Variants in EVPLL observed in about 807,000 individuals in gnomAD.
EVPLL encodes the protein envoplakin like.
Under a neutral mutation model 46.2 loss-of-function variants are expected in EVPLL, and 39 were observed. The observed-to-expected ratio is 0.84, with a 90% CI of 0.65 to 1.10. The LOEUF (loss-of-function observed/expected upper bound fraction) is 1.10. EVPLL is among the 50% of genes least tolerant of loss of function. The pLI is 0.00. For missense variants in EVPLL, 385 were observed against 412.6 expected (o/e 0.93, Z 0.58); for synonymous variants, 156 against 165.8 (o/e 0.94, Z 0.46).
chr17:18,377,882 G>A lies in EVPLL; in HGVS notation c.-138G>A, dbSNP rs1033487901. 2 of 1,066,136 alleles carry A rather than the reference G, an allele frequency of 1.9e-6. No homozygotes were observed. Among genetic ancestry groups the A allele is most frequent in the African/African-American group, 3.3e-5 (2 of 59,890 alleles). The allele number at this position is 1,066,136 out of a possible 1,614,324, so 66.0% of individuals were successfully genotyped here. A position where few individuals can be genotyped will look rare whatever the true frequency, so the allele number is the denominator to read the frequency against. ...AGCCTGAGCCAGCACCTGCCTTTATGACCATGTTCAAGGGACTGAGCAAAG... is the reference window on the plus strand; with the variant it reads ...AGCCTGAGCCAGCACCTGCCTTTATAACCATGTTCAAGGGACTGAGCAAAG... On this transcript the variant is annotated 5_prime_UTR_variant, in exon 1 of 11. The change abolishes an upstream ATG in the 5' untranslated region. Coordinates refer to ENST00000399134, the MANE Select transcript of EVPLL (RefSeq NM_001145127.2).
rs1434790504 is a variant in EVPLL at position 18,383,200 on chromosome 17, G to A, written c.672+15G>A. The A allele has an allele frequency of 2.6e-6, 4 of 1,546,804 alleles. No homozygotes were observed. In the African/African-American group the frequency reaches 5.5e-5, roughly 21 times the overall value. On this transcript the variant is annotated intron_variant, in intron 7 of 10. Transcript: ENST00000399134. ...GGGAATACGAGGTCGGCTGGCAGAG[G>A]TTGGGGCCAGGCGGGGGCGACCAGG...
intron 1 of EVPLL, among the ~76,000 whole-genome samples, chr17:18,378,655 AT>A (rs1209698667): frequency 1.3e-5 from 2 of 151,630 alleles, no homozygotes; most frequent in Non-Finnish European, 2.9e-5. Flanking sequence ...TATAAAAAAA[AT>A]AAAAATAAAA....
chr17:18,381,378 CA>C lies in EVPLL; in HGVS notation c.76del (p.Ser26ValfsTer17), dbSNP rs1034701743. On this transcript the variant is annotated frameshift_variant, in exon 3 of 11. Transcript: ENST00000399134. LOFTEE classifies it high-confidence loss of function. This position sits in a 1 kb window ranked among gnomAD's most constrained non-coding sequence, Gnocchi z 4.2. ...QKRLQQDRLN[S>X]EQSQALQHQQ... ...TCCCCTGCCCACAGGACCGGCTGAA[CA>C]GTGAGCAGAGCCAGGCCCTGCAGCA... is the stretch of plus-strand genomic sequence containing the variant. 1 of 1,572,190 alleles carries C rather than the reference CA, an allele frequency of 6.4e-7. No homozygotes were observed. Among genetic ancestry groups the C allele is most frequent in the African/African-American group, 1.4e-5 (1 of 73,638 alleles).
chr17:18,378,104 G>A (rs1192755151), intron 1 of EVPLL, 121 bp downstream of exon 1: 4 of 373,802 alleles, frequency 1.1e-5, no homozygotes, highest in African/African-American at 8.6e-5. Flanking sequence ...GGCATTTGGT[G>A]TCCCGAGGAC....
Position 18,381,715 on chromosome 17 carries a change from G to C in EVPLL, c.331G>C (p.Ala111Pro). 6.2e-7 allele frequency: 1 copy of C among 1,614,192 alleles called. No homozygotes were observed. The highest frequency in any genetic ancestry group is 8.5e-7 in the Non-Finnish European group (1 of 1,180,036). Reference sequence around the variant, plus strand: ...GATCCAAGGTCGACTGGGCACACGTGCTGGAGCAGAAACAGGTCAGGAGCT... The same window carrying C: ...GATCCAAGGTCGACTGGGCACACGTCCTGGAGCAGAAACAGGTCAGGAGCT... ...RGIQGRLGTRAGAETEAGLRR... is the reference protein window; with the variant it reads ...RGIQGRLGTRPGAETEAGLRR... Residue 111 changes from alanine to proline, a missense_variant, in exon 4 of 11, where the codon GCT becomes CCT. Transcript: ENST00000399134. The surrounding 1 kb of genome is among the most constrained non-coding windows in gnomAD (Gnocchi z 4.2).
At position 18,382,572 on chromosome 17, in the gene EVPLL, G is replaced by C. The variant is rs994378555; in HGVS notation, c.406G>C (p.Gly136Arg). 1.3e-6 allele frequency: 2 copies of C among 1,551,716 alleles called. No individual in the cohort carries two copies. Among genetic ancestry groups the C allele is most frequent in the African/African-American group, 1.4e-5 (1 of 73,064 alleles). Residue 136 changes from glycine to arginine, a missense_variant, in exon 5 of 11, where the codon GGA (glycine) becomes CGA (arginine). Coordinates refer to ENST00000399134, the MANE Select transcript of EVPLL (RefSeq NM_001145127.2). ...TGGCGGAGCTGGAGGAACAGATCGC[G>C]GAGCTCAACATCGTGCAGAAGGAGA... ...GHGGAGGTDR[G>R]AQHRAEGDQR... is the part of the protein sequence containing the mutation.
intron 9 of EVPLL, 113 bp from the exon 10 acceptor site, chr17:18,388,106 A>G: frequency 1.9e-6 from 1 of 518,978 alleles, no homozygotes; most frequent in Non-Finnish European, 3.4e-6. Flanking sequence ...TACAAGGCAC[A>G]CCTTTAATTA....
At chr17:18,388,163 A>C in intron 9 of EVPLL, 56 bp from the exon 10 acceptor site, 1 of 1,126,978 alleles carries the variant, frequency 8.9e-7, no homozygotes, top group Non-Finnish European at 1.3e-6. Flanking sequence ...GACCCTTACA[A>C]CGTTACACTC....
chr17:18,383,921 C>T (rs192152889), intron 9 of EVPLL, among the ~76,000 whole-genome samples: 147 of 151,992 alleles, frequency 9.7e-4, no homozygotes, highest in African/African-American at 3.3e-3. Flanking sequence ...TGCAGTGGGC[C>T]GAGAATGGTC....
intron 9 of EVPLL, among the ~76,000 whole-genome samples, chr17:18,384,050 G>C (rs1416143268): frequency 1.3e-5 from 2 of 152,186 alleles, no homozygotes; most frequent in East Asian, 3.8e-4. Flanking sequence ...ATTCTCAACA[G>C]GGTGAAGCCG....
At chr17:18,387,368 C>T (rs1182527014) in intron 9 of EVPLL, among the ~76,000 whole-genome samples, 2 of 151,068 alleles carry the variant, frequency 1.3e-5, no homozygotes, top group Admixed American at 1.3e-4. Context: ...TTAATCTGAG[C>T]TCCCTTCATT....
intron 9 of EVPLL, among the ~76,000 whole-genome samples, chr17:18,384,871 C>G (rs1987717555): frequency 6.6e-6 from 1 of 152,210 alleles, no homozygotes; most frequent in Non-Finnish European, 1.5e-5. Flanking sequence ...GCTCCTCCCA[C>G]TCACTGGCTT....
rs1388910835 is a variant in EVPLL at position 18,381,634 on chromosome 17, G to A, written c.250G>A (p.Glu84Lys). 1.2e-6 allele frequency: 2 copies of A among 1,614,078 alleles called. No homozygotes were observed. Among genetic ancestry groups the A allele is most frequent in the Non-Finnish European group, 1.7e-6 (2 of 1,180,050 alleles). ...IEQLHERVTQ[E>K]CAEYCALYEK... ...GCAGCTGCACGAGCGGGTGACCCAG[G>A]AGTGTGCGGAGTACTGTGCCCTGTA... Residue 84 changes from glutamate to lysine, a missense_variant, in exon 4 of 11, where the codon GAG becomes AAG. Glu to Lys is a moderately conservative substitution (Grantham distance 56, BLOSUM62 1). Coordinates refer to ENST00000399134, the MANE Select transcript of EVPLL (RefSeq NM_001145127.2). This position sits in a 1 kb window ranked among gnomAD's most constrained non-coding sequence, Gnocchi z 4.2.
chr17:18,388,098 C>T, intron 9 of EVPLL, 121 bp from the exon 10 acceptor site: 1 of 483,024 alleles, frequency 2.1e-6, no homozygotes, highest in South Asian at 3.0e-5. Context: ...TGGTTGTCTA[C>T]AAGGCACACC....
chr17:18,388,043 C>CACATAT (rs1555596640), intron 9 of EVPLL, 176 bp from the exon 10 acceptor site: 1 of 166,706 alleles, frequency 6.0e-6, no homozygotes, highest in African/African-American at 3.2e-5. Flanking sequence ...TATATATATA[C>CACATAT]ATATATATGT....
chr17:18,387,584 CAG>C (rs1332282229), intron 9 of EVPLL, among the ~76,000 whole-genome samples: 2 of 150,816 alleles, frequency 1.3e-5, no homozygotes, highest in Non-Finnish European at 1.5e-5. Context: ...GAAGTGAACA[CAG>C]GGGAGGAACT....
At chr17:18,385,105 T>C (rs1405137191) in intron 9 of EVPLL, among the ~76,000 whole-genome samples, 1 of 151,176 alleles carries the variant, frequency 6.6e-6, no homozygotes, top group Admixed American at 6.6e-5. Flanking sequence ...GCACTCTGGG[T>C]CCCAGTTTCC....
rs1289218473 is a variant in EVPLL at position 18,380,995 on chromosome 17, C to T, written c.58C>T (p.Gln20Ter). Residue 20 changes from glutamine to a stop codon, truncating the protein, a stop_gained, in exon 2 of 11, where the codon CAG becomes TAG. Coordinates refer to ENST00000399134, the MANE Select transcript of EVPLL (RefSeq NM_001145127.2). LOFTEE classifies it high-confidence loss of function. ...CATCCTGGAGACGCAGAAGAGGCTGCAGCAGGTGAGAACCCGGCAGCAGTT... is the reference window on the plus strand; with the variant it reads ...CATCCTGGAGACGCAGAAGAGGCTGTAGCAGGTGAGAACCCGGCAGCAGTT... The part of the protein sequence containing the change: ...RDILETQKRL[Q>*]QDRLNSEQSQ... 4 of 1,587,736 alleles carry T rather than the reference C, an allele frequency of 2.5e-6. No homozygotes were observed. Among genetic ancestry groups the T allele is most frequent in the South Asian group, 1.2e-5 (1 of 86,576 alleles).
chr17:18,383,780 C>T (rs1220395370), intron 9 of EVPLL, 193 bp downstream of exon 9: 1 of 589,408 alleles, frequency 1.7e-6, no homozygotes, highest in East Asian at 2.9e-5. Context: ...CGAGATCAGC[C>T]TGGCCAACAT....
Sources: gnomAD v4.1 joint callset for allele counts (sites outside exome capture counted in the v4.1 genomes callset) on GRCh38, gnomAD v4.1.1 for gene constraint, Gnocchi (gnomAD v3.1) non-coding constraint, MANE v1.5 for transcripts, NCBI Gene and HGNC (gene_info 2026-07-23, HGNC 2026-07-21) for gene names.